The following EFNB2 variants were observed in gnomAD, a reference collection of about 807,000 sequenced individuals.
EFNB2 encodes ephrin-B2.
EFNB2 carries 5 observed loss-of-function variants against 32.1 expected under a neutral mutation model. The ratio of observed to expected loss-of-function variants is 0.16; its 90% CI spans 0.08 to 0.33. The LOEUF (loss-of-function observed/expected upper bound fraction) is 0.33, where lower values mean the gene tolerates loss of function less well. Ranked by LOEUF, EFNB2 falls within the 10% of genes least tolerant of loss-of-function variation. EFNB2 has a pLI of 1.00. For synonymous variants in EFNB2, 168 were observed against 166.5 expected, an observed-to-expected ratio of 1.01 and a Z score of -0.07; for missense variants, 263 against 422.6, an observed-to-expected ratio of 0.62 and a Z score of 3.31.
In EFNB2 at chr13:106,512,635, G is replaced by A; in HGVS notation, c.300C>T (p.Asn100=). Residue 100 remains asparagine, a synonymous_variant, in exon 2 of 5, where the codon AAC becomes AAT. Coordinates refer to ENST00000646441, the MANE Select transcript of EFNB2 (RefSeq NM_004093.4). The stretch of plus-strand genomic sequence containing the variant: ...TGATATCTTGGTCTGGTTTGGCACA[G>A]TTGAGGAGAGGGGTATTTTCCTTCT... The part of the protein sequence containing the change: ...TIKKENTPLL[N]CAKPDQDIKF... The A allele has an allele frequency of 6.2e-7, 1 of 1,613,970 alleles. No individual in the cohort carries two copies. The highest frequency in any genetic ancestry group is 8.5e-7 in the Non-Finnish European group (1 of 1,179,946).
chr13:106,495,766 G>A lies in EFNB2; in HGVS notation c.481C>T (p.Leu161Phe). 2 of 1,614,056 alleles carry A rather than the reference G, an allele frequency of 1.2e-6. No homozygotes were observed. The highest frequency in any genetic ancestry group is 1.7e-6 in the Non-Finnish European group (2 of 1,179,970). The change falls in exon 3 of 5, where the codon CTC becomes TTC. Residue 161 changes from leucine to phenylalanine, a missense_variant. Physicochemically the swap from Leu to Phe is conservative, Grantham distance 22. Transcript: ENST00000646441. The part of the protein sequence containing the change: ...GVCQTRAMKI[L>F]MKVGQDASSA... ...TCTTTACCTTGTCCAACTTTCATGAGGATCTTCATGGCTCTTGTCTGGCAC... is the reference window on the plus strand; with the variant it reads ...TCTTTACCTTGTCCAACTTTCATGAAGATCTTCATGGCTCTTGTCTGGCAC...
At position 106,496,687 on chromosome 13, in the gene EFNB2, ATTTTCAGCATTTTTT is replaced by A. The variant is rs1041405874; in HGVS notation, c.407-862_407-848del. Among the ~76,000 whole-genome samples, 9 of 140,900 alleles carry A rather than the reference ATTTTCAGCATTTTTT, an allele frequency of 6.4e-5. No homozygotes were observed. The Admixed American group carries it at 6.7e-4, about 10-fold the overall frequency. The allele number at this position is 140,900 out of a possible 152,430, so 92.4% of individuals were successfully genotyped here. A position where few individuals can be genotyped will look rare whatever the true frequency, so the allele number is the denominator to read the frequency against. ...GAAGGAAGGACAGAATCATTTTACC[ATTTTCAGCATTTTTT>A]TTTTCAACAGCCTATGCTCTATTTA... On this transcript the variant is annotated intron_variant, in intron 2 of 4. Transcript: ENST00000646441.
At chr13:106,527,403 C>T (rs1879738368) in intron 1 of EFNB2, among the ~76,000 whole-genome samples, 1 of 152,290 alleles carries the variant, frequency 6.6e-6, no homozygotes, top group Admixed American at 6.5e-5. Flanking sequence ...CTTACTTACT[C>T]GTGCTTTAGA....
At chr13:106,499,930 A>T (rs535924960) in intron 2 of EFNB2, among the ~76,000 whole-genome samples, 1 of 152,188 alleles carries the variant, frequency 6.6e-6, no homozygotes, top group South Asian at 2.1e-4. Flanking sequence ...TCAGCAAAAA[A>T]GTTCCTTGCG....
At chr13:106,513,230 G>A (rs1879203231) in intron 1 of EFNB2, among the ~76,000 whole-genome samples, 1 of 152,124 alleles carries the variant, frequency 6.6e-6, no homozygotes, top group Admixed American at 6.5e-5. Context: ...GTCAATTGGA[G>A]GGAACAGTGG....
At chr13:106,524,804 A>G (rs771353387) in intron 1 of EFNB2, among the ~76,000 whole-genome samples, 2 of 152,240 alleles carry the variant, frequency 1.3e-5, no homozygotes, top group Non-Finnish European at 2.9e-5. Context: ...AAGTGTTATT[A>G]GAAAGCACCA....
intron 2 of EFNB2, among the ~76,000 whole-genome samples, chr13:106,505,335 C>T (rs561757900): frequency 4.6e-5 from 7 of 152,244 alleles, no homozygotes; most frequent in East Asian, 1.9e-4. Context: ...CTAACAACGC[C>T]GGCCTAAGGG....
At chr13:106,534,677 C>G (rs1879999786) in intron 1 of EFNB2, among the ~76,000 whole-genome samples, 166 bp downstream of exon 1, 1 of 134,138 alleles carries the variant, frequency 7.5e-6, no homozygotes, top group South Asian at 2.7e-4. Flanking sequence ...GAAAGCCGAG[C>G]GAGGAGTCTC....
chr13:106,502,601 C>T (rs747902667), intron 2 of EFNB2, among the ~76,000 whole-genome samples: 22 of 152,074 alleles, frequency 1.4e-4, no homozygotes, highest in Admixed American at 7.2e-4. Context: ...TCATGCTATG[C>T]GAGGCTTGGA....
At chr13:106,507,328 T>G (rs1056592070) in intron 2 of EFNB2, among the ~76,000 whole-genome samples, 2 of 152,190 alleles carry the variant, frequency 1.3e-5, no homozygotes, top group East Asian at 3.9e-4. Context: ...TAAGAGGACA[T>G]TTGAAAGCTC....
chr13:106,501,653 T>C (rs1878784505), intron 2 of EFNB2, among the ~76,000 whole-genome samples: 1 of 151,540 alleles, frequency 6.6e-6, no homozygotes, highest in Non-Finnish European at 1.5e-5. Flanking sequence ...AGTGCAGTGG[T>C]GTGATCTTGG....
At chr13:106,497,674 A>G (rs1878637058) in intron 2 of EFNB2, among the ~76,000 whole-genome samples, 1 of 152,028 alleles carries the variant, frequency 6.6e-6, no homozygotes, top group Non-Finnish European at 1.5e-5. Flanking sequence ...ATATCTCCTA[A>G]TGCTATCCCT....
chr13:106,496,628 C>T (rs1878601081), intron 2 of EFNB2, among the ~76,000 whole-genome samples: 1 of 152,202 alleles, frequency 6.6e-6, no homozygotes, highest in East Asian at 1.9e-4. Context: ...TGTTCACCAA[C>T]TGAATTCCCT....
At chr13:106,502,775 A>G (rs1164446278) in intron 2 of EFNB2, among the ~76,000 whole-genome samples, 1 of 152,256 alleles carries the variant, frequency 6.6e-6, no homozygotes, top group Admixed American at 6.5e-5. Flanking sequence ...ATTCAGGGCC[A>G]TAGGTATCTT....
chr13:106,502,399 T>A (rs1878812090), intron 2 of EFNB2, among the ~76,000 whole-genome samples: 1 of 152,184 alleles, frequency 6.6e-6, no homozygotes, highest in African/African-American at 2.4e-5. Context: ...ATATTCATGA[T>A]GAACAATAAT....
In EFNB2 at chr13:106,515,405, T is replaced by C. The variant is rs1410769654; in HGVS notation, c.123-2593A>G. On this transcript the variant is annotated intron_variant, in intron 1 of 4. Transcript: ENST00000646441. ...GATGCTTATCAAAGCGGAAGTGTGG[T>C]GGGGAGGCTCACATTTCAATATGCA... Among the ~76,000 whole-genome samples the C allele has an allele frequency of 2.0e-5, 3 of 152,168 alleles. No homozygotes were observed. The East Asian group carries it at 5.8e-4, about 29-fold the overall frequency.
chr13:106,495,341 A>G (rs903567370), intron 3 of EFNB2, among the ~76,000 whole-genome samples: 2 of 152,202 alleles, frequency 1.3e-5, no homozygotes, highest in African/African-American at 2.4e-5. Flanking sequence ...GGTTATCTAT[A>G]TTGGAAAAGT....
At position 106,493,225 on chromosome 13, in the gene EFNB2, C is replaced by T. The variant is rs1178422650; in HGVS notation, c.817G>A (p.Ala273Thr). 6.2e-7 allele frequency: 1 copy of T among 1,614,064 alleles called. No homozygotes were observed. Among genetic ancestry groups the T allele is most frequent in the Admixed American group, 1.7e-5 (1 of 60,006 alleles). Residue 273 changes from alanine to threonine, a missense_variant, in exon 5 of 5, where the codon GCC becomes ACC. Ala to Thr is a moderately conservative substitution (Grantham distance 58). This residue lies in a region of EFNB2 where 172 missense variants were observed against 237.1 expected (regional missense o/e 0.73). Transcript: ENST00000646441. This position sits in a 1 kb window ranked among gnomAD's most constrained non-coding sequence, Gnocchi z 6.1. Reference sequence around the variant, plus strand: ...TTGTTGCCGCTGCGCTTGGGTGTGGCCAGTGTGCTGAGCGACAGCGTGGTC... The same window carrying T: ...TTGTTGCCGCTGCGCTTGGGTGTGGTCAGTGTGCTGAGCGACAGCGTGGTC... ...HTTTLSLSTL[A>T]TPKRSGNNNG...
intron 1 of EFNB2, among the ~76,000 whole-genome samples, chr13:106,525,032 G>A (rs545860283): frequency 1.3e-5 from 2 of 152,220 alleles, no homozygotes; most frequent in East Asian, 1.9e-4. Flanking sequence ...ATTGAACCAC[G>A]GCCAGGCACA....
Sources: gnomAD v4.1 joint callset for allele counts (sites outside exome capture counted in the v4.1 genomes callset) on GRCh38, gnomAD v4.1.1 for gene constraint, gnomAD v4.1.1 regional missense constraint, Gnocchi (gnomAD v3.1) non-coding constraint, MANE v1.5 for transcripts, NCBI Gene and HGNC (gene_info 2026-07-23, HGNC 2026-07-21) for gene names.